RUVBL1: variants seen among roughly 807,000 people sequenced by gnomAD.
RUVBL1 encodes the protein ruvB-like 1.
RUVBL1 carries 4 observed loss-of-function variants against 52.4 expected under a neutral mutation model. The ratio of observed to expected loss-of-function variants is 0.08; its 90% confidence interval spans 0.04 to 0.17. The LOEUF (loss-of-function observed/expected upper bound fraction) is 0.17, where lower values mean the gene tolerates loss of function less well. Among genes scored for constraint, RUVBL1 ranks in the 10% least tolerant of loss-of-function variants. The pLI, the probability that RUVBL1 is intolerant of heterozygous loss-of-function variation, is 1.00. For synonymous variants in RUVBL1, 217 were observed against 214.4 expected (o/e 1.01, Z -0.10); for missense variants, 298 against 572.8 (o/e 0.52, Z 4.90).
At position 128,101,604 on chromosome 3, in the gene RUVBL1, T is replaced by A; in HGVS notation, c.558A>T (p.Glu186Asp). The A allele has an allele frequency of 3.7e-6, 6 of 1,614,086 alleles. No homozygotes were observed. The highest frequency in any genetic ancestry group is 5.1e-6 in the Non-Finnish European group (6 of 1,180,022). Residue 186 changes from glutamate (E) to aspartate (D), a missense_variant, in exon 5 of 11, where the codon GAA becomes GAT. Coordinates refer to ENST00000322623, the MANE Select transcript of RUVBL1 (RefSeq NM_003707.3). ...IFESLQKERV[E>D]AGDVIYIEAN... ...CTTCAATGTAAATCACATCTCCAGC[T>A]TCTACTCGCTCTTTCTGCAAACTTT...
chr3:128,121,667 G>A (rs147411501), intron 1 of RUVBL1, among the ~76,000 whole-genome samples: 20,415 of 145,982 alleles, frequency 0.14, 1,583 homozygotes, highest in African/African-American at 0.2. Context: ...CCGAGATCGC[G>A]CCATTGCACT....
At position 128,065,185 on chromosome 3, in the gene RUVBL1, A is replaced by G. The variant is rs773563706; in HGVS notation, c.*27T>C. The G allele has an allele frequency of 2.6e-5, 24 of 911,698 alleles. No homozygotes were observed. In the African/African-American group the frequency reaches 3.6e-4, roughly 14 times the overall value. 56.5% of individuals were successfully genotyped at this position (911,698 alleles called of 1,614,324 possible). A position where few individuals can be genotyped will look rare whatever the true frequency, so the allele number is the denominator to read the frequency against. On this transcript the variant is annotated 3_prime_UTR_variant, in exon 10 of 10. Transcript: ENST00000464873. ...GTATTTGAAGGCAGCAGGTTTCCAG[A>G]TGAGCTGGACAAGCATGTTCATTGA...
At chr3:128,079,787 ACTACAG>A (rs1373392402), downstream of RUVBL1, among the ~76,000 whole-genome samples, 2 of 152,198 alleles carry the variant, frequency 1.3e-5, no homozygotes, top group Non-Finnish European at 2.9e-5. Flanking sequence ...CCTTGACATG[ACTACAG>A]GGGACTGTCC....
chr3:128,072,979 T>C (rs1340806258), intron 9 of RUVBL1, among the ~76,000 whole-genome samples: 3 of 152,142 alleles, frequency 2.0e-5, no homozygotes, highest in Non-Finnish European at 2.9e-5. Flanking sequence ...ACTTCCTACA[T>C]GTGCTCTCAC....
Position 128,123,568 on chromosome 3 carries a change from G to T in RUVBL1, c.141+16C>A, listed in dbSNP as rs746690897. On this transcript the variant is annotated intron_variant, in intron 1 of 10. Transcript: ENST00000322623. ...CCCTGCTTGCAGCCCCCAACTCCCT[G>T]GTCCACTGGCCACACCTCTCGCGCG... 28 of 1,588,126 alleles carry T rather than the reference G, an allele frequency of 1.8e-5. No homozygotes were observed. Among genetic ancestry groups the T allele is most frequent in the Non-Finnish European group, 2.3e-5 (27 of 1,164,428 alleles).
intron 1 of RUVBL1, among the ~76,000 whole-genome samples, chr3:128,149,847 G>A (rs1175633084): frequency 6.6e-6 from 1 of 152,204 alleles, no homozygotes. Context: ...TCTGGCTTTG[G>A]CCTCTGGCCA....
intron 1 of RUVBL1, among the ~76,000 whole-genome samples, chr3:128,129,367 A>G (rs1020791874): frequency 9.2e-5 from 14 of 152,252 alleles, no homozygotes; most frequent in Non-Finnish European, 1.6e-4. Context: ...ATGAATGACA[A>G]CAAAAGAACA....
chr3:128,144,987 T>C (rs1189088988), intron 1 of RUVBL1, among the ~76,000 whole-genome samples: 4 of 152,052 alleles, frequency 2.6e-5, no homozygotes, highest in South Asian at 2.1e-4. Flanking sequence ...AGCCACTTTG[T>C]CATTGTGAGG....
chr3:128,100,831 A>C, intron 5 of RUVBL1, 87 bp from the exon 6 acceptor site: 1 of 1,488,148 alleles, frequency 6.7e-7, no homozygotes, highest in Non-Finnish European at 9.2e-7. Flanking sequence ...TAAAGGTCTC[A>C]GTTCCCACTG....
chr3:128,065,725 A>G (rs1286653246), intron 9 of RUVBL1, among the ~76,000 whole-genome samples: 3 of 142,332 alleles, frequency 2.1e-5, no homozygotes, highest in East Asian at 4.1e-4. Flanking sequence ...CAGTCAGATC[A>G]TTAAGAATTT....
intron 4 of RUVBL1, among the ~76,000 whole-genome samples, chr3:128,104,527 A>G (rs976712387): frequency 6.6e-6 from 1 of 152,246 alleles, no homozygotes; most frequent in African/African-American, 2.4e-5. Context: ...CACACAGCTC[A>G]CATTTTAACA....
chr3:128,137,781 CA>C (rs1272974012), intron 1 of RUVBL1, among the ~76,000 whole-genome samples: 1 of 152,090 alleles, frequency 6.6e-6, no homozygotes, highest in Non-Finnish European at 1.5e-5. Context: ...AACATTAACG[CA>C]AAAGTCCTCA....
At chr3:128,105,686 C>G (rs2107696739) in intron 3 of RUVBL1, among the ~76,000 whole-genome samples, 1 of 152,172 alleles carries the variant, frequency 6.6e-6, no homozygotes, top group South Asian at 2.1e-4. Flanking sequence ...ACTATGAAAC[C>G]TGAGCAGAAC....
chr3:128,090,165 A>AT (rs890398518), intron 8 of RUVBL1, among the ~76,000 whole-genome samples: 2 of 152,192 alleles, frequency 1.3e-5, no homozygotes, highest in Non-Finnish European at 2.9e-5. Context: ...TGTTACACAC[A>AT]TTTTACCACA....
At chr3:128,094,552 C>T (rs945722675) in intron 8 of RUVBL1, among the ~76,000 whole-genome samples, 2 of 152,204 alleles carry the variant, frequency 1.3e-5, no homozygotes, top group Non-Finnish European at 2.9e-5. Context: ...TGGACCCAGA[C>T]GTTCCTCTGG....
intron 3 of RUVBL1, among the ~76,000 whole-genome samples, chr3:128,111,898 C>T (rs148432412): frequency 4.6e-5 from 7 of 152,240 alleles, no homozygotes; most frequent in East Asian, 3.9e-4. Flanking sequence ...TCATAACCCA[C>T]GACTCAGCAG....
chr3:128,065,694 T>C (rs1210794049), intron 9 of RUVBL1, among the ~76,000 whole-genome samples: 2 of 150,936 alleles, frequency 1.3e-5, no homozygotes, highest in African/African-American at 2.4e-5. Flanking sequence ...GCTATCTCTT[T>C]AGGGGCTTTG....
At chr3:128,135,383 A>T (rs1189048998) in intron 1 of RUVBL1, among the ~76,000 whole-genome samples, 1 of 152,172 alleles carries the variant, frequency 6.6e-6, no homozygotes, top group Non-Finnish European at 1.5e-5. Flanking sequence ...AAGAACAAAA[A>T]TTAGCCAGGT....
At chr3:128,123,891 G>A (rs935749053), upstream of RUVBL1, 9 of 1,265,594 alleles carry the variant, frequency 7.1e-6, no homozygotes, top group Admixed American at 1.2e-4. Flanking sequence ...ATAGGCTCAC[G>A]GCTGCGCCCA....
Sources: allele counts gnomAD v4.1 joint callset (sites outside exome capture counted in the v4.1 genomes callset), GRCh38; gene constraint gnomAD v4.1.1; transcripts MANE v1.5; gene names NCBI Gene and HGNC (gene_info 2026-07-23, HGNC 2026-07-21).